The following DIP2B variants were observed in gnomAD, a reference collection of about 807,000 sequenced individuals.
DIP2B encodes the protein disco-interacting protein 2 homolog B.
A neutral mutation model predicts 198.0 loss-of-function variants in DIP2B; 76 were observed. That is an observed-to-expected ratio of 0.38 (90% CI 0.32 to 0.46). The LOEUF is 0.46. Ranked by LOEUF, DIP2B falls within the 20% of genes least tolerant of loss-of-function variation. The probability of loss-of-function intolerance (pLI) is 0.99; values close to 1 mark genes in which losing one functional copy is unlikely to be tolerated. For synonymous variants in DIP2B, 701 were observed against 739.1 expected (o/e 0.95, Z 0.84); for missense variants, 1,559 against 1,978.4 (o/e 0.79, Z 4.02).
At chr12:50,710,979 T>G (rs1297171405) in intron 22 of DIP2B, among the ~76,000 whole-genome samples, 1 of 152,258 alleles carries the variant, frequency 6.6e-6, no homozygotes, top group Non-Finnish European at 1.5e-5. Context: ...AGAATGAACT[T>G]TGGGGCATGT....
chr12:50,584,122 T>C (rs1958748862), intron 1 of DIP2B, among the ~76,000 whole-genome samples: 1 of 152,232 alleles, frequency 6.6e-6, no homozygotes. Context: ...CCCACTTCCA[T>C]GGCTTTAAAT....
At chr12:50,614,796 C>T (rs1019785706) in intron 1 of DIP2B, among the ~76,000 whole-genome samples, 2 of 152,170 alleles carry the variant, frequency 1.3e-5, no homozygotes, top group East Asian at 3.8e-4. Flanking sequence ...TTGGAAAAAC[C>T]CTTTTCCACT....
chr12:50,521,527 T>G (rs1407084222), intron 1 of DIP2B, among the ~76,000 whole-genome samples: 1 of 132,278 alleles, frequency 7.6e-6, no homozygotes, highest in East Asian at 2.7e-4. Context: ...AGTCTCACAC[T>G]CTGTTGCCAG....
At chr12:50,670,799 C>G (rs1484854210) in intron 4 of DIP2B, among the ~76,000 whole-genome samples, 1 of 152,034 alleles carries the variant, frequency 6.6e-6, no homozygotes, top group Non-Finnish European at 1.5e-5. Flanking sequence ...AGTACTTTGT[C>G]AAAATCAATG....
intron 2 of DIP2B, among the ~76,000 whole-genome samples, chr12:50,640,480 A>G (rs1200160628): frequency 2.0e-5 from 3 of 152,072 alleles, no homozygotes; most frequent in African/African-American, 7.2e-5. Context: ...TGGCCTTTTA[A>G]TTTACATTTG....
chr12:50,674,382 T>C, intron 5 of DIP2B, 92 bp from the exon 6 acceptor site: 1 of 1,422,156 alleles, frequency 7.0e-7, no homozygotes, highest in South Asian at 1.3e-5. Flanking sequence ...ATTTATGTAC[T>C]TTTCTTCCTT....
intron 1 of DIP2B, among the ~76,000 whole-genome samples, chr12:50,541,463 A>G (rs1480380858): frequency 2.6e-5 from 4 of 151,482 alleles, no homozygotes; most frequent in African/African-American, 9.7e-5. Context: ...GAGAACAGAG[A>G]AAGATAGACT....
intron 4 of DIP2B, among the ~76,000 whole-genome samples, chr12:50,662,627 A>G (rs540235808): frequency 6.6e-6 from 1 of 152,350 alleles, no homozygotes; most frequent in African/African-American, 2.4e-5. Flanking sequence ...AGTATCTCCC[A>G]GAACTTGTTA....
chr12:50,671,539 A>G (rs1938854642), intron 5 of DIP2B, 141 bp downstream of exon 5: 2 of 797,340 alleles, frequency 2.5e-6, no homozygotes, highest in Middle Eastern at 3.7e-4. Context: ...TTAATGAGGA[A>G]AAGATGGAAA....
At chr12:50,676,765 C>T (rs770993825) in intron 7 of DIP2B, among the ~76,000 whole-genome samples, 5 of 152,128 alleles carry the variant, frequency 3.3e-5, no homozygotes, top group Non-Finnish European at 5.9e-5. Context: ...TGGATAATGG[C>T]GATAATGTCA....
chr12:50,535,953 G>T (rs1258625545), intron 1 of DIP2B, among the ~76,000 whole-genome samples: 955 of 125,112 alleles, frequency 7.6e-3, no homozygotes, highest in African/African-American at 7.8e-3. Context: ...GGGGTGTTTG[G>T]TTTTTTGTTC....
At chr12:50,585,246 A>G (rs890035372) in intron 1 of DIP2B, among the ~76,000 whole-genome samples, 1 of 152,210 alleles carries the variant, frequency 6.6e-6, no homozygotes, top group African/African-American at 2.4e-5. Context: ...TTGAGTGCCT[A>G]TTCTGTGCCC....
intron 1 of DIP2B, among the ~76,000 whole-genome samples, chr12:50,590,612 C>G (rs1958810800): frequency 6.6e-6 from 1 of 152,130 alleles, no homozygotes; most frequent in African/African-American, 2.4e-5. Flanking sequence ...TTGTGATCTA[C>G]CCACCTCGGC....
intron 7 of DIP2B, among the ~76,000 whole-genome samples, chr12:50,677,483 C>T (rs907106916): frequency 4.6e-5 from 7 of 151,884 alleles, no homozygotes; most frequent in Admixed American, 4.6e-4. Flanking sequence ...GGCGTGGTGG[C>T]GGGCGCCTAT....
chr12:50,682,334 T>C (rs1410219663), intron 9 of DIP2B, among the ~76,000 whole-genome samples: 1 of 151,804 alleles, frequency 6.6e-6, no homozygotes, highest in African/African-American at 2.4e-5. Flanking sequence ...AATTAAAGAG[T>C]AAGAAAACTG....
chr12:50,553,061 C>T (rs1958441003), intron 1 of DIP2B, among the ~76,000 whole-genome samples: 2 of 152,094 alleles, frequency 1.3e-5, no homozygotes, highest in Admixed American at 6.6e-5. Context: ...GTCTTGAACT[C>T]CTGACCTCAG....
intron 17 of DIP2B, 150 bp from the exon 18 acceptor site, chr12:50,698,178 C>G (rs777359760): frequency 2.1e-6 from 2 of 970,184 alleles, no homozygotes; most frequent in Non-Finnish European, 2.9e-6. Flanking sequence ...GTGTGAGACA[C>G]CACACCCAGC....
chr12:50,520,676 A>G (rs1482512730), intron 1 of DIP2B, among the ~76,000 whole-genome samples: 1 of 152,202 alleles, frequency 6.6e-6, no homozygotes, highest in Non-Finnish European at 1.5e-5. Flanking sequence ...CCCCTATATC[A>G]TAGCTATTTT....
intron 1 of DIP2B, among the ~76,000 whole-genome samples, chr12:50,624,571 A>G (rs558740029): frequency 2.6e-5 from 4 of 152,228 alleles, no homozygotes; most frequent in African/African-American, 9.6e-5. Flanking sequence ...CAACCTTGTG[A>G]TCCACCCACC....
Sources: allele counts gnomAD v4.1 joint callset (sites outside exome capture counted in the v4.1 genomes callset), GRCh38; gene constraint gnomAD v4.1.1; transcripts MANE v1.5; gene names NCBI Gene and HGNC (gene_info 2026-07-23, HGNC 2026-07-21).